PSD3: variants seen among roughly 807,000 people sequenced by gnomAD.
PSD3 encodes the protein pleckstrin and Sec7 domain containing 3.
A neutral mutation model predicts 105.5 loss-of-function variants in PSD3; 49 were observed. That is an observed-to-expected ratio of 0.46 (90% CI 0.37 to 0.59). The LOEUF (loss-of-function observed/expected upper bound fraction) is 0.59, where lower values mean the gene tolerates loss of function less well. Ranked by LOEUF, PSD3 falls within the 20% of genes least tolerant of loss-of-function variation. The probability of loss-of-function intolerance (pLI) is 0.00; values close to 1 mark genes in which losing one functional copy is unlikely to be tolerated. For synonymous variants in PSD3, 557 were observed against 457.8 expected (o/e 1.22, Z -2.77); for missense variants, 1,561 against 1,263.8 (o/e 1.24, Z -3.57).
intron 1 of PSD3, among the ~76,000 whole-genome samples, chr8:19,009,443 C>T (rs1302844753): frequency 6.6e-6 from 1 of 152,160 alleles, no homozygotes; most frequent in Non-Finnish European, 1.5e-5. Flanking sequence ...TTAACCTCTC[C>T]TGACTTCAGA....
intron 8 of PSD3, among the ~76,000 whole-genome samples, chr8:18,793,380 A>AC (rs1410822796): frequency 6.6e-6 from 1 of 151,292 alleles, no homozygotes; most frequent in African/African-American, 2.4e-5. Context: ...TAGAAAAAAA[A>AC]AACAAAACAA....
intron 1 of PSD3, among the ~76,000 whole-genome samples, chr8:19,013,180 A>G (rs2129475464): frequency 6.6e-6 from 1 of 152,150 alleles, no homozygotes; most frequent in East Asian, 1.9e-4. Flanking sequence ...TGTTTAGTTT[A>G]GTCTTTTTTT....
chr8:18,971,397 C>G (rs1824643779), intron 1 of PSD3, among the ~76,000 whole-genome samples: 1 of 152,198 alleles, frequency 6.6e-6, no homozygotes, highest in Non-Finnish European at 1.5e-5. Flanking sequence ...GCTCTGGACC[C>G]TGAATACTGT....
At chr8:18,849,983 G>A (rs1397892934) in intron 4 of PSD3, among the ~76,000 whole-genome samples, 3 of 152,138 alleles carry the variant, frequency 2.0e-5, no homozygotes, top group Non-Finnish European at 1.5e-5. Context: ...AACTCTTCTT[G>A]TTTATCTTTT....
chr8:18,958,494 A>T (rs879806340), intron 1 of PSD3, among the ~76,000 whole-genome samples: 5 of 152,186 alleles, frequency 3.3e-5, no homozygotes, highest in Admixed American at 2.0e-4. Flanking sequence ...GCACTCAAGG[A>T]ATTACAGAAA....
chr8:19,042,956 A>G (rs1828176778), intron 1 of PSD3, among the ~76,000 whole-genome samples: 1 of 152,234 alleles, frequency 6.6e-6, no homozygotes, highest in Non-Finnish European at 1.5e-5. Context: ...GGCCAACAAT[A>G]CGAATAGGCT....
chr8:18,883,813 G>A (rs550800671), intron 2 of PSD3, among the ~76,000 whole-genome samples: 7 of 152,150 alleles, frequency 4.6e-5, no homozygotes, highest in African/African-American at 7.2e-5. Context: ...ATAGTTCATC[G>A]GATTTTCAAT....
chr8:18,690,161 T>C (rs1324750858), intron 9 of PSD3, among the ~76,000 whole-genome samples: 1 of 152,096 alleles, frequency 6.6e-6, no homozygotes, highest in Non-Finnish European at 1.5e-5. Flanking sequence ...TCATAAGAAC[T>C]ACGAAAAGGA....
chr8:18,910,064 T>C (rs1024540711), intron 2 of PSD3, among the ~76,000 whole-genome samples: 6 of 152,136 alleles, frequency 3.9e-5, no homozygotes. Context: ...CCTCCCTGAA[T>C]GCCCTGTCAT....
chr8:18,756,955 G>A (rs1241535274), intron 9 of PSD3, among the ~76,000 whole-genome samples: 3 of 145,142 alleles, frequency 2.1e-5, no homozygotes, highest in Non-Finnish European at 4.6e-5. Context: ...CACACTGCTA[G>A]CCACTTAACA....
At position 18,937,714 on chromosome 8, in the gene PSD3, C is replaced by T. The variant is rs553974252; in HGVS notation, c.22-1572G>A. The stretch of plus-strand genomic sequence containing the variant: ...ATCACAGGTTGTTAATTATCCTTTT[C>T]CCCAATAGAGAGGAAATATTAATTT... On this transcript the variant is annotated intron_variant, in intron 1 of 15. Transcript: ENST00000327040. Among the ~76,000 whole-genome samples, 5 of 152,296 alleles carry T rather than the reference C, an allele frequency of 3.3e-5. No individual in the cohort carries two copies. The South Asian group carries it at 6.2e-4, about 19-fold the overall frequency.
intron 9 of PSD3, among the ~76,000 whole-genome samples, chr8:18,701,132 A>C (rs1400611814): frequency 7.2e-6 from 1 of 138,058 alleles, no homozygotes; most frequent in Non-Finnish European, 1.5e-5. Context: ...AGCCTGGCTG[A>C]TTTTTTTTTT....
At chr8:18,834,328 AC>A (rs1813917760) in intron 4 of PSD3, among the ~76,000 whole-genome samples, 1 of 152,232 alleles carries the variant, frequency 6.6e-6, no homozygotes, top group Non-Finnish European at 1.5e-5. Flanking sequence ...CACCCATTAT[AC>A]AAAAGGCAAT....
chr8:18,670,979 T>C (rs896661457), intron 9 of PSD3, among the ~76,000 whole-genome samples: 1 of 152,208 alleles, frequency 6.6e-6, no homozygotes, highest in Non-Finnish European at 1.5e-5. Context: ...GATTTTATGC[T>C]CCTTGCAGAT....
At chr8:18,641,674 T>C (rs988406089) in intron 10 of PSD3, among the ~76,000 whole-genome samples, 2 of 152,140 alleles carry the variant, frequency 1.3e-5, no homozygotes, top group Admixed American at 6.5e-5. Flanking sequence ...TTTTATGGCA[T>C]AAAAATTACA....
At chr8:18,906,312 A>G (rs1368033394) in intron 2 of PSD3, among the ~76,000 whole-genome samples, 1 of 152,188 alleles carries the variant, frequency 6.6e-6, no homozygotes, top group Non-Finnish European at 1.5e-5. Context: ...CACCTAATAA[A>G]TTTTCCTTTT....
At chr8:18,798,965 C>A (rs1266910248) in intron 8 of PSD3, among the ~76,000 whole-genome samples, 2 of 151,922 alleles carry the variant, frequency 1.3e-5, no homozygotes, top group African/African-American at 4.8e-5. Flanking sequence ...TGTATTCTCT[C>A]CATCATTATC....
intron 1 of PSD3, among the ~76,000 whole-genome samples, chr8:19,047,948 T>C (rs1345015929): frequency 2.0e-5 from 3 of 152,184 alleles, no homozygotes; most frequent in South Asian, 2.1e-4. Context: ...ATTTCTTTTT[T>C]TTTTAATGAA....
intron 2 of PSD3, among the ~76,000 whole-genome samples, chr8:18,873,022 C>A (rs1415843565): frequency 1.3e-4 from 20 of 152,092 alleles, no homozygotes; most frequent in Admixed American, 1.3e-3. Flanking sequence ...GGATTCAGAA[C>A]CTCAGTTGCT....
Sources: allele counts gnomAD v4.1 joint callset (sites outside exome capture counted in the v4.1 genomes callset), GRCh38; gene constraint gnomAD v4.1.1; transcripts MANE v1.5; gene names NCBI Gene and HGNC (gene_info 2026-07-23, HGNC 2026-07-21).